Variants in PARD3B observed in about 807,000 individuals in gnomAD.
PARD3B encodes par-3 family cell polarity regulator beta.
PARD3B carries 103 observed loss-of-function variants against 130.2 expected under a neutral mutation model. The observed-to-expected ratio is 0.79, with a 90% confidence interval of 0.67 to 0.93. PARD3B has a LOEUF of 0.93. Among genes scored for constraint, PARD3B ranks in the 40% least tolerant of loss-of-function variants. The pLI is 0.00. For synonymous variants in PARD3B, 583 were observed against 553.2 expected (o/e 1.05, Z -0.76); for missense variants, 1,609 against 1,499.2 (o/e 1.07, Z -1.21).
intron 22 of PARD3B, among the ~76,000 whole-genome samples, chr2:205,581,018 G>A (rs1011674949): frequency 1.2e-4 from 18 of 152,030 alleles, no homozygotes; most frequent in Non-Finnish European, 2.6e-4. Context: ...TTCAGAAAAT[G>A]CTCACATTTC....
At chr2:205,025,881 A>G (rs1200270129) in intron 3 of PARD3B, among the ~76,000 whole-genome samples, 4 of 152,160 alleles carry the variant, frequency 2.6e-5, no homozygotes, top group Non-Finnish European at 5.9e-5. Context: ...TGATTTGTCC[A>G]TTAATTCTGT....
At chr2:205,350,365 C>A (rs1391292759) in intron 18 of PARD3B, among the ~76,000 whole-genome samples, 1 of 152,196 alleles carries the variant, frequency 6.6e-6, no homozygotes, top group Non-Finnish European at 1.5e-5. Flanking sequence ...TTTGATTAGA[C>A]TTTCAGAGTA....
In PARD3B at chr2:205,052,810, A is replaced by T. The variant is rs145352877; in HGVS notation, c.504+5120A>T. ...ACATAATATGTAAGTTCAAGATTTT[A>T]AGAGGAATAGAAGTTTTTGCATTTT... is the stretch of plus-strand genomic sequence containing the variant. On this transcript the variant is annotated intron_variant, in intron 4 of 22. Transcript: ENST00000406610. 5.1e-3 allele frequency among the ~76,000 whole-genome samples: 782 copies of T among 152,208 alleles called. 16 individuals are homozygous for T. Among genetic ancestry groups the T allele is most frequent in the East Asian group, 0.037 (193 of 5,166 alleles).
chr2:205,148,665 T>C (rs1160091265), intron 10 of PARD3B, among the ~76,000 whole-genome samples: 3 of 152,218 alleles, frequency 2.0e-5, no homozygotes, highest in African/African-American at 7.2e-5. Flanking sequence ...ATAAGCTTAT[T>C]ATAAAATATC....
At chr2:205,384,765 C>T (rs968546913) in intron 18 of PARD3B, among the ~76,000 whole-genome samples, 1 of 152,082 alleles carries the variant, frequency 6.6e-6, no homozygotes, top group Non-Finnish European at 1.5e-5. Context: ...AATGTATACA[C>T]ATTTCCTGGG....
At chr2:205,200,806 G>A (rs1185565949) in intron 15 of PARD3B, among the ~76,000 whole-genome samples, 2 of 152,172 alleles carry the variant, frequency 1.3e-5, no homozygotes, top group South Asian at 2.1e-4. Flanking sequence ...GGGACGTGAA[G>A]GTATTTTAGA....
chr2:204,876,970 A>G (rs534218769), intron 2 of PARD3B, among the ~76,000 whole-genome samples: 1 of 152,304 alleles, frequency 6.6e-6, no homozygotes, highest in Admixed American at 6.5e-5. Flanking sequence ...TTGAAAATAC[A>G]GTACTCTAGA....
intron 15 of PARD3B, among the ~76,000 whole-genome samples, chr2:205,214,127 T>C (rs1453776981): frequency 6.6e-6 from 1 of 152,114 alleles, no homozygotes; most frequent in African/African-American, 2.4e-5. Flanking sequence ...TTTTTATTTA[T>C]ATTATTTTAA....
chr2:205,107,932 A>G (rs1183352669), intron 5 of PARD3B, among the ~76,000 whole-genome samples: 1 of 152,058 alleles, frequency 6.6e-6, no homozygotes, highest in Non-Finnish European at 1.5e-5. Context: ...CTCATCCCTA[A>G]TTCCTATCTC....
intron 21 of PARD3B, among the ~76,000 whole-genome samples, chr2:205,552,756 A>C (rs1227686161): frequency 6.6e-6 from 1 of 152,110 alleles, no homozygotes; most frequent in Admixed American, 6.6e-5. Context: ...ACAGCCAAGA[A>C]GAGCTATAAT....
intron 18 of PARD3B, among the ~76,000 whole-genome samples, chr2:205,398,894 G>A (rs2046134611): frequency 1.3e-5 from 2 of 152,176 alleles, no homozygotes; most frequent in Non-Finnish European, 2.9e-5. Flanking sequence ...AGGTCCTCAT[G>A]TGAGGAGACT....
In PARD3B at chr2:205,542,354, T is replaced by G. The variant is rs199527148; in HGVS notation, c.3181-10970T>G. On this transcript the variant is annotated intron_variant, in intron 21 of 22. Transcript: ENST00000406610. ...CAGGAAACTATTCAGTAGTTTGTGT[T>G]TGTGTGTGTGTGTGTGTGTGTGTGT... Among the ~76,000 whole-genome samples, 8 of 145,204 alleles carry G rather than the reference T, an allele frequency of 5.5e-5. No homozygotes were observed. In the East Asian group the frequency reaches 8.1e-4, roughly 15 times the overall value.
chr2:205,121,752 A>C lies in PARD3B; in HGVS notation c.968A>C (p.His323Pro), dbSNP rs779583050. 1 of 1,614,130 alleles carries C rather than the reference A, an allele frequency of 6.2e-7. No homozygotes were observed. The highest frequency in any genetic ancestry group is 1.1e-5 in the South Asian group (1 of 91,074). ...VLKTKVPPPV[H>P]GKSGLKTANL... ...AAAACCAAAGTGCCGCCTCCTGTCCATGGAAAATCGGGACTAAAGACAGCA... is the reference window on the plus strand; with the variant it reads ...AAAACCAAAGTGCCGCCTCCTGTCCCTGGAAAATCGGGACTAAAGACAGCA... Residue 323 changes from histidine to proline, a missense_variant, in exon 8 of 23, where the codon CAT (histidine) becomes CCT (proline). His to Pro is a moderately conservative substitution (Grantham distance 77). Coordinates refer to ENST00000406610, the MANE Select transcript of PARD3B (RefSeq NM_001302769.2). This position sits in a 1 kb window ranked among gnomAD's most constrained non-coding sequence, Gnocchi z 5.0.
chr2:205,187,720 G>T lies in PARD3B; in HGVS notation c.2024+1857G>T, dbSNP rs1359728974. Reference sequence around the variant, plus strand: ...TTGGGGAGAGAAAAAAGTTTATATTGCTCCTCGCTGCTGTAAATCTTCATT... The same window carrying T: ...TTGGGGAGAGAAAAAAGTTTATATTTCTCCTCGCTGCTGTAAATCTTCATT... On this transcript the variant is annotated intron_variant, in intron 14 of 22. Transcript: ENST00000406610. This position sits in a 1 kb window ranked among gnomAD's most constrained non-coding sequence, Gnocchi z 4.9. Among the ~76,000 whole-genome samples the T allele has an allele frequency of 6.6e-6, 1 of 152,108 alleles. No homozygotes were observed. Among genetic ancestry groups the T allele is most frequent in the Non-Finnish European group, 1.5e-5 (1 of 68,016 alleles).
chr2:204,693,277 G>A (rs1395348306), intron 2 of PARD3B, among the ~76,000 whole-genome samples: 1 of 151,894 alleles, frequency 6.6e-6, no homozygotes, highest in Non-Finnish European at 1.5e-5. Flanking sequence ...TCAGGCCAAG[G>A]TTACTGTAAT....
chr2:205,391,860 C>T (rs867487283), intron 18 of PARD3B, among the ~76,000 whole-genome samples: 30 of 152,050 alleles, frequency 2.0e-4, no homozygotes, highest in South Asian at 4.2e-4. Flanking sequence ...ATAAGTTTCC[C>T]TTTTTTTCCC....
intron 2 of PARD3B, among the ~76,000 whole-genome samples, chr2:204,826,571 G>T (rs909939607): frequency 6.6e-6 from 1 of 152,114 alleles, no homozygotes; most frequent in East Asian, 1.9e-4. Context: ...ATGTTAAAAA[G>T]TTACTTATGA....
intron 1 of PARD3B, among the ~76,000 whole-genome samples, chr2:204,671,102 G>C (rs1398967789): frequency 6.6e-6 from 1 of 151,982 alleles, no homozygotes; most frequent in African/African-American, 2.4e-5. Context: ...CTGTTCCCTG[G>C]GTCCCTCATT....
At position 205,292,771 on chromosome 2, in the gene PARD3B, T is replaced by C. The variant is rs2041655303; in HGVS notation, c.2186-7759T>C. Among the ~76,000 whole-genome samples, 1 of 152,204 alleles carries C rather than the reference T, an allele frequency of 6.6e-6. No individual in the cohort carries two copies. Among genetic ancestry groups the C allele is most frequent in the African/African-American group, 2.4e-5 (1 of 41,450 alleles). On this transcript the variant is annotated intron_variant, in intron 16 of 22. Coordinates refer to ENST00000406610, the MANE Select transcript of PARD3B (RefSeq NM_001302769.2). The surrounding 1 kb of genome is among the most constrained non-coding windows in gnomAD (Gnocchi z 5.3). ...TAAGATCAATTGTGTGTGATTAGAC[T>C]TCACTTTGTACAGGAAAAAAATTTA...
Sources: allele counts gnomAD v4.1 joint callset (sites outside exome capture counted in the v4.1 genomes callset), GRCh38; gene constraint gnomAD v4.1.1; non-coding constraint Gnocchi (gnomAD v3.1); transcripts MANE v1.5; gene names NCBI Gene and HGNC (gene_info 2026-07-23, HGNC 2026-07-21).